The following PTK7 variants were observed in gnomAD, a reference collection of about 807,000 sequenced individuals.
PTK7 encodes the protein protein tyrosine kinase 7 (inactive).
PTK7 carries 39 observed loss-of-function variants against 116.6 expected under a neutral mutation model. The ratio of observed to expected loss-of-function variants is 0.33; its 90% CI spans 0.26 to 0.44. The LOEUF is 0.44. PTK7 is among the 20% of genes least tolerant of loss of function. PTK7 has a pLI of 1.00. For synonymous variants in PTK7, 546 were observed against 563.6 expected (o/e 0.97, Z 0.44); for missense variants, 1,169 against 1,425.6 (o/e 0.82, Z 2.90).
At chr6:43,131,601 G>T (rs993160017) in intron 5 of PTK7, 2 of 221,736 alleles carry the variant, frequency 9.0e-6, no homozygotes, top group Non-Finnish European at 1.8e-5. Flanking sequence ...ATCAGATCTC[G>T]TGAGACTTGT....
At chr6:43,148,829 G>A (rs1770877377) in intron 17 of PTK7, among the ~76,000 whole-genome samples, 1 of 151,962 alleles carries the variant, frequency 6.6e-6, no homozygotes, top group Non-Finnish European at 1.5e-5. Flanking sequence ...GGGAGGCCGA[G>A]GCGGGCAGAT....
intron 17 of PTK7, among the ~76,000 whole-genome samples, chr6:43,157,358 A>AT (rs1205979544): frequency 3.2e-3 from 12 of 3,754 alleles, no homozygotes; most frequent in Non-Finnish European, 5.8e-3. Context: ...ATATATATAT[A>AT]TATATATTTT....
intron 17 of PTK7, among the ~76,000 whole-genome samples, chr6:43,157,329 T>C (rs1159121941): frequency 0.044 from 69 of 1,582 alleles, 2 homozygotes; most frequent in African/African-American, 0.076. Flanking sequence ...ACACACGCTA[T>C]ATATATATAT....
intron 1 of PTK7, among the ~76,000 whole-genome samples, chr6:43,101,507 G>A (rs907740564): frequency 4.0e-5 from 6 of 150,830 alleles, no homozygotes; most frequent in African/African-American, 7.3e-5. Context: ...TGCTGAGATT[G>A]CGCCACTGCA....
In PTK7 at chr6:43,144,530, G is replaced by A. The variant is rs1433493597; in HGVS notation, c.2331G>A (p.Ala777=). The part of the protein sequence containing the change: ...VALTSLGSGP[A]ATNKRHSTSD... ...TGACCAGCTTGGGCTCCGGCCCCGC[G>A]GCCACCAACAAACGCCACAGCACAA... The change falls in exon 15 of 20, where the codon GCG becomes GCA. Residue 777 remains alanine (A), a synonymous_variant. Coordinates refer to ENST00000230419, the MANE Select transcript of PTK7 (RefSeq NM_002821.5). 25 of 1,614,014 alleles carry A rather than the reference G, an allele frequency of 1.5e-5. No individual in the cohort carries two copies. The highest frequency in any genetic ancestry group is 9.3e-5 in the African/African-American group (7 of 74,912).
chr6:43,096,698 T>TGCCTGGGCTA (rs1165310433), intron 1 of PTK7, among the ~76,000 whole-genome samples: 2 of 152,214 alleles, frequency 1.3e-5, no homozygotes, highest in Non-Finnish European at 2.9e-5. Context: ...TGCAGGGGTC[T>TGCCTGGGCTA]GCCTGGGCTA....
rs553929831 is a variant in PTK7, at chr6:43,157,168, G to GT, written c.2722-1634dup. On this transcript the variant is annotated intron_variant, in intron 17 of 19. Transcript: ENST00000230419. The stretch of plus-strand genomic sequence containing the variant: ...TGAGTGCTAGCATTGTTGGATTGTG[G>GT]TTTTTTTTTTTTTTTCCCACAAAAA... Among the ~76,000 whole-genome samples the GT allele has an allele frequency of 2.1e-3, 272 of 132,102 alleles. 1 individual carries two copies. The highest frequency in any genetic ancestry group is 7.6e-3 in the South Asian group (31 of 4,086). The allele number at this position is 132,102 out of a possible 152,430, so 86.7% of individuals were successfully genotyped here. A position where few individuals can be genotyped will look rare whatever the true frequency, so the allele number is the denominator to read the frequency against.
chr6:43,120,774 GAGGTGGCGATTGACC>G (rs1768909130), intron 1 of PTK7, among the ~76,000 whole-genome samples: 2 of 152,184 alleles, frequency 1.3e-5, no homozygotes, highest in Non-Finnish European at 2.9e-5. Context: ...TGCCTGGGAG[GAGGTGGCGATTGACC>G]AGGGTCACCC....
intron 1 of PTK7, among the ~76,000 whole-genome samples, chr6:43,120,801 C>G (rs376589281): frequency 6.6e-6 from 1 of 152,196 alleles, no homozygotes; most frequent in Non-Finnish European, 1.5e-5. Flanking sequence ...GGGTCACCCT[C>G]ATTAGTGACT....
In PTK7 at chr6:43,130,211, G is replaced by A. The variant is rs1309656299; in HGVS notation, c.471-19G>A. 6.5e-7 allele frequency: 1 copy of A among 1,549,962 alleles called. No individual in the cohort carries two copies. Among genetic ancestry groups the A allele is most frequent in the East Asian group, 2.3e-5 (1 of 44,148 alleles). ...CTGAGTACCCCTCCCCACCACTGCT[G>A]ACTGTGTCTGCCCTGCAGGCCCACC... On this transcript the variant is annotated intron_variant, in intron 3 of 19. Coordinates refer to ENST00000230419, the MANE Select transcript of PTK7 (RefSeq NM_002821.5).
At position 43,141,777 on chromosome 6, in the gene PTK7, G is replaced by A. The variant is rs374951510; in HGVS notation, c.1728G>A (p.Pro576=). ...ACACTTGCATTGCCTCCAACGGGCCGCAGGGCCAGATTCGTGCCCATGTCC... is the reference window on the plus strand; with the variant it reads ...ACACTTGCATTGCCTCCAACGGGCCACAGGGCCAGATTCGTGCCCATGTCC... The part of the protein sequence containing the change: ...GNYTCIASNG[P]QGQIRAHVQL... Residue 576 remains proline (P), a synonymous_variant, in exon 11 of 20, where the codon CCG becomes CCA. Transcript: ENST00000230419. The surrounding 1 kb of genome is among the most constrained non-coding windows in gnomAD (Gnocchi z 4.9). The A allele has an allele frequency of 4.1e-5, 66 of 1,613,906 alleles. No individual in the cohort carries two copies. The African/African-American group carries it at 6.3e-4, about 15-fold the overall frequency.
In PTK7 at chr6:43,145,136, C is replaced by T; in HGVS notation, c.2408-64C>T. 4.8e-6 allele frequency: 7 copies of T among 1,462,040 alleles called. No individual in the cohort carries two copies. Among genetic ancestry groups the T allele is most frequent in the Non-Finnish European group, 6.5e-6 (7 of 1,078,194 alleles). 90.6% of individuals were successfully genotyped at this position (1,462,040 alleles called of 1,614,324 possible). A position where few individuals can be genotyped will look rare whatever the true frequency, so the allele number is the denominator to read the frequency against. ...CACTGTGGGAGAGGCTAGGCCCCTC[C>T]CCCAGGTCAGGAGCTGCCTCGGCCT... On this transcript the variant is annotated intron_variant, in intron 15 of 19. Coordinates refer to ENST00000230419, the MANE Select transcript of PTK7 (RefSeq NM_002821.5). The surrounding 1 kb of genome is among the most constrained non-coding windows in gnomAD (Gnocchi z 4.8).
chr6:43,136,921 T>C (rs1770077030), intron 7 of PTK7, among the ~76,000 whole-genome samples: 1 of 152,110 alleles, frequency 6.6e-6, no homozygotes, highest in Non-Finnish European at 1.5e-5. Context: ...AGAGGGTTGC[T>C]TGAGCCTGGG....
At chr6:43,160,679 T>C in intron 19 of PTK7, 42 bp from the exon 20 acceptor site, 7 of 1,605,768 alleles carry the variant, frequency 4.4e-6, no homozygotes, top group Non-Finnish European at 6.0e-6. Context: ...AACAAGTTGT[T>C]GAATGTTTTG....
At chr6:43,095,198 A>T (rs1205747607) in intron 1 of PTK7, among the ~76,000 whole-genome samples, 2 of 46,858 alleles carry the variant, frequency 4.3e-5, no homozygotes, top group Middle Eastern at 0.011. Context: ...AGTCTCTACT[A>T]AAAAAAAAAA....
chr6:43,110,297 T>A (rs529216584), intron 1 of PTK7, among the ~76,000 whole-genome samples: 1 of 151,528 alleles, frequency 6.6e-6, no homozygotes, highest in African/African-American at 2.4e-5. Context: ...GCCTGGAGTA[T>A]TTTCCTATAT....
rs142383177 is a variant in PTK7 at position 43,128,767 on chromosome 6, A to G, written c.80-210A>G. On this transcript the variant is annotated intron_variant, in intron 1 of 19. Transcript: ENST00000230419. ...ACCACCACATTCCAACCTGGGTGACAAGAGCAAAAAAAGAAAAAGAAATCT... is the reference window on the plus strand; with the variant it reads ...ACCACCACATTCCAACCTGGGTGACGAGAGCAAAAAAAGAAAAAGAAATCT... Among the ~76,000 whole-genome samples the G allele has an allele frequency of 8.6e-3, 1,314 of 152,332 alleles. 17 individuals carry two copies. The highest frequency in any genetic ancestry group is 0.029 in the African/African-American group (1,200 of 41,566).
At chr6:43,088,801 C>T (rs895496720) in intron 1 of PTK7, among the ~76,000 whole-genome samples, 2 of 152,154 alleles carry the variant, frequency 1.3e-5, no homozygotes, top group Non-Finnish European at 2.9e-5. Context: ...ATGGCTTGAG[C>T]TTTTCTCATG....
chr6:43,112,546 A>G (rs770869518), intron 1 of PTK7, among the ~76,000 whole-genome samples: 7 of 151,340 alleles, frequency 4.6e-5, no homozygotes, highest in Non-Finnish European at 7.4e-5. Flanking sequence ...GCCTCTCTCA[A>G]TTTCTTCTGT....
Sources: allele counts gnomAD v4.1 joint callset (sites outside exome capture counted in the v4.1 genomes callset), GRCh38; gene constraint gnomAD v4.1.1; non-coding constraint Gnocchi (gnomAD v3.1); transcripts MANE v1.5; gene names NCBI Gene and HGNC (gene_info 2026-07-23, HGNC 2026-07-21).